The following NR2E1 variants were observed in gnomAD, a reference collection of about 807,000 sequenced individuals.
NR2E1 encodes the protein nuclear receptor subfamily 2 group E member 1.
NR2E1 carries 5 observed loss-of-function variants against 43.6 expected under a neutral mutation model. That is an observed-to-expected ratio of 0.11 (90% CI 0.06 to 0.24). The LOEUF is 0.24. Ranked by LOEUF, NR2E1 falls within the 10% of genes least tolerant of loss-of-function variation. NR2E1 has a pLI of 1.00. For missense variants in NR2E1, 287 were observed against 496.7 expected (o/e 0.58, Z 4.01); for synonymous variants, 191 against 195.5 (o/e 0.98, Z 0.19).
chr6:108,181,970 G>A lies in NR2E1; in HGVS notation c.995+319G>A, dbSNP rs542308656. 5.9e-5 allele frequency among the ~76,000 whole-genome samples: 9 copies of A among 152,300 alleles called. No homozygotes were observed. The East Asian group carries it at 1.7e-3, about 29-fold the overall frequency. ...AATGAAGCCTAGGCTGGGCACAGTG[G>A]CTCACGCCTGTAATCCCAGCACTTT... is the stretch of plus-strand genomic sequence containing the variant. On this transcript the variant is annotated intron_variant, in intron 8 of 8. Transcript: ENST00000368986.
intron 1 of NR2E1, among the ~76,000 whole-genome samples, chr6:108,170,388 T>C (rs1420801915): frequency 6.6e-6 from 1 of 152,130 alleles, no homozygotes; most frequent in Admixed American, 6.6e-5. Flanking sequence ...CATTTCTAAG[T>C]CCCTATAAAC....
At position 108,180,752 on chromosome 6, in the gene NR2E1, T is replaced by C; in HGVS notation, c.740-55T>C. On this transcript the variant is annotated intron_variant, in intron 6 of 8. Coordinates refer to ENST00000368986, the MANE Select transcript of NR2E1 (RefSeq NM_003269.5). This position sits in a 1 kb window ranked among gnomAD's most constrained non-coding sequence, Gnocchi z 5.4. Reference sequence around the variant, plus strand: ...TGCAGGATTTTGTCAAAAATCAATATTAAATCATGAAAATGCCTTCATATT... The same window carrying C: ...TGCAGGATTTTGTCAAAAATCAATACTAAATCATGAAAATGCCTTCATATT... 3.2e-6 allele frequency: 5 copies of C among 1,559,580 alleles called. No individual in the cohort carries two copies. Among genetic ancestry groups the C allele is most frequent in the South Asian group, 1.1e-5 (1 of 89,752 alleles).
At chr6:108,172,368 T>G (rs1326181538) in intron 2 of NR2E1, among the ~76,000 whole-genome samples, 1 of 152,192 alleles carries the variant, frequency 6.6e-6, no homozygotes, top group Admixed American at 6.5e-5. Context: ...CAGTCGGTTG[T>G]TTTGGTCTTG....
chr6:108,178,366 G>C, intron 5 of NR2E1, 125 bp downstream of exon 5: 1 of 959,990 alleles, frequency 1.0e-6, no homozygotes, highest in Non-Finnish European at 1.6e-6. Context: ...TAATAGCAGT[G>C]AGGAAACTAC....
chr6:108,172,029 T>A (rs1297029406), intron 2 of NR2E1, among the ~76,000 whole-genome samples: 2 of 152,136 alleles, frequency 1.3e-5, no homozygotes, highest in Non-Finnish European at 2.9e-5. Context: ...TCAAGCTCAG[T>A]CCCCTGATCA....
chr6:108,174,496 G>T (rs1435129019), intron 2 of NR2E1, among the ~76,000 whole-genome samples: 2 of 152,084 alleles, frequency 1.3e-5, no homozygotes, highest in Non-Finnish European at 2.9e-5. Flanking sequence ...ACCACTCCGC[G>T]ACTGGCGGAA....
rs1044681682 is a variant in NR2E1 at position 108,166,631 on chromosome 6, A to ACACC, written c.-130_-127dup. 1.5e-6 allele frequency: 1 copy of ACACC among 652,722 alleles called. No homozygotes were observed. Among genetic ancestry groups the ACACC allele is most frequent in the Non-Finnish European group, 2.4e-6 (1 of 409,144 alleles). The allele number at this position is 652,722 out of a possible 1,614,324, so 40.4% of individuals were successfully genotyped here. A position where few individuals can be genotyped will look rare whatever the true frequency, so the allele number is the denominator to read the frequency against. On this transcript the variant is annotated 5_prime_UTR_variant, in exon 1 of 9. Coordinates refer to ENST00000368986, the MANE Select transcript of NR2E1 (RefSeq NM_003269.5). The surrounding 1 kb of genome is among the most constrained non-coding windows in gnomAD (Gnocchi z 7.2). Reference sequence around the variant, plus strand: ...CAGGGAGCAGCGCAGCGCGCGACTGACACCCACCTGTCCCGCCCAGGAGCC... The same window carrying ACACC: ...CAGGGAGCAGCGCAGCGCGCGACTGACACCCACCCACCTGTCCCGCCCAGGAGCC...
intron 8 of NR2E1, among the ~76,000 whole-genome samples, chr6:108,182,217 G>A (rs1054243768): frequency 1.0e-4 from 15 of 148,974 alleles, no homozygotes; most frequent in African/African-American, 3.5e-4. Flanking sequence ...ACTCCAGCCT[G>A]GGCGACAGAG....
intron 8 of NR2E1, 86 bp downstream of exon 8, chr6:108,181,737 C>T: frequency 2.1e-6 from 2 of 951,004 alleles, no homozygotes; most frequent in Non-Finnish European, 3.4e-6. Flanking sequence ...CCAGTTCAAA[C>T]ATTGTGACTA....
intron 8 of NR2E1, among the ~76,000 whole-genome samples, chr6:108,185,385 C>A (rs1774056249): frequency 7.7e-6 from 1 of 129,840 alleles, no homozygotes; most frequent in East Asian, 2.0e-4. Flanking sequence ...CTCTAACACA[C>A]ACACACACAC....
At position 108,169,016 on chromosome 6, in the gene NR2E1, G is replaced by A. The variant is rs1184639464; in HGVS notation, c.25+2226G>A. ...CCCCTGGCGAGGGAAGTTAAGAACG[G>A]TTTTCCAGCTTCAGGAAACTCCGGC... On this transcript the variant is annotated intron_variant, in intron 1 of 8. Coordinates refer to ENST00000368986, the MANE Select transcript of NR2E1 (RefSeq NM_003269.5). This position sits in a 1 kb window ranked among gnomAD's most constrained non-coding sequence, Gnocchi z 6.1. 6.6e-6 allele frequency: 1 copy of A among 152,264 alleles called. No individual in the cohort carries two copies. Among genetic ancestry groups the A allele is most frequent in the Non-Finnish European group, 1.5e-5 (1 of 68,044 alleles). The allele number at this position is 152,264 out of a possible 1,614,324, so 9.4% of individuals were successfully genotyped here.
rs1773871251 is a variant in NR2E1 at position 108,174,884 on chromosome 6, C to A, written c.220C>A (p.Arg74=). The change falls in exon 3 of 9, where the codon CGG becomes AGG. Residue 74 remains arginine, a synonymous_variant. Coordinates refer to ENST00000368986, the MANE Select transcript of NR2E1 (RefSeq NM_003269.5). ...KTHRNQCRAC[R]LKKCLEVNMN... ...GCACAGAAACCAGTGCAGGGCGTGT[C>A]GGCTGAAGAAGTGTTTGGAAGTCAA... 3.1e-6 allele frequency: 5 copies of A among 1,613,968 alleles called. No homozygotes were observed. Among genetic ancestry groups the A allele is most frequent in the Non-Finnish European group, 4.2e-6 (5 of 1,180,026 alleles).
chr6:108,166,709 G>A lies in NR2E1; in HGVS notation c.-57G>A, dbSNP rs1162794772. ...GGCGGCGCCCGGCGGCGAGGCGGGC[G>A]CTGCCGGCCGGGACTCGGGCAGCGC... is the stretch of plus-strand genomic sequence containing the variant. On this transcript the variant is annotated 5_prime_UTR_variant, in exon 1 of 9. Coordinates refer to ENST00000368986, the MANE Select transcript of NR2E1 (RefSeq NM_003269.5). This position sits in a 1 kb window ranked among gnomAD's most constrained non-coding sequence, Gnocchi z 7.2. 1.5e-5 allele frequency: 22 copies of A among 1,456,536 alleles called. No individual in the cohort carries two copies. Among genetic ancestry groups the A allele is most frequent in the Non-Finnish European group, 1.8e-5 (20 of 1,103,796 alleles). The allele number at this position is 1,456,536 out of a possible 1,614,324, so 90.2% of individuals were successfully genotyped here. A position where few individuals can be genotyped will look rare whatever the true frequency, so the allele number is the denominator to read the frequency against.
At chr6:108,178,273 G>A (rs759983374) in intron 5 of NR2E1, 32 bp downstream of exon 5, 1 of 1,613,692 alleles carries the variant, frequency 6.2e-7, no homozygotes, top group Non-Finnish European at 8.5e-7. Flanking sequence ...GGGAGAAAGA[G>A]AGCTGGGAAA....
In NR2E1 at chr6:108,187,827, G is replaced by A; in HGVS notation, c.*364G>A. The stretch of plus-strand genomic sequence containing the variant: ...AAGTAGTGCTTTCTCTTCCTTTTTA[G>A]CATACAAAGTTTGGTAACCAAATAT... On this transcript the variant is annotated 3_prime_UTR_variant, in exon 9 of 9. Coordinates refer to ENST00000368986, the MANE Select transcript of NR2E1 (RefSeq NM_003269.5). The A allele has an allele frequency of 3.2e-6, 1 of 313,458 alleles. No homozygotes were observed. The highest frequency in any genetic ancestry group is 6.3e-6 in the Non-Finnish European group (1 of 159,678). The allele number at this position is 313,458 out of a possible 1,614,324, so 19.4% of individuals were successfully genotyped here. A position where few individuals can be genotyped will look rare whatever the true frequency, so the allele number is the denominator to read the frequency against.
chr6:108,175,859 A>T (rs1364344610), intron 3 of NR2E1, among the ~76,000 whole-genome samples: 3 of 152,272 alleles, frequency 2.0e-5, no homozygotes, highest in Non-Finnish European at 4.4e-5. Flanking sequence ...GGCAGGCCGA[A>T]GATTGCCCTG....
At chr6:108,182,241 C>CAAAAAA (rs766203121) in intron 8 of NR2E1, among the ~76,000 whole-genome samples, 1 of 74,314 alleles carries the variant, frequency 1.3e-5, no homozygotes, top group African/African-American at 4.2e-5. Context: ...GACTCCGTCT[C>CAAAAAA]AAAAAAAAAA....
At chr6:108,182,394 T>G (rs1278817652) in intron 8 of NR2E1, among the ~76,000 whole-genome samples, 1 of 152,046 alleles carries the variant, frequency 6.6e-6, no homozygotes, top group Non-Finnish European at 1.5e-5. Context: ...TATCTTTTTT[T>G]TTGAGACAGG....
intron 8 of NR2E1, 50 bp downstream of exon 8, chr6:108,181,701 T>G (rs368409994): frequency 7.3e-7 from 1 of 1,374,648 alleles, no homozygotes; most frequent in East Asian, 2.3e-5. Context: ...GCCTCCATTG[T>G]GAATGCCTGA....
Sources: gnomAD v4.1 joint callset for allele counts (sites outside exome capture counted in the v4.1 genomes callset) on GRCh38, gnomAD v4.1.1 for gene constraint, Gnocchi (gnomAD v3.1) non-coding constraint, MANE v1.5 for transcripts, NCBI Gene and HGNC (gene_info 2026-07-23, HGNC 2026-07-21) for gene names.